Variants in PSMD1 observed in about 807,000 individuals in gnomAD.
PSMD1 encodes proteasome 26S subunit, non-ATPase 1.
A neutral mutation model predicts 119.0 loss-of-function variants in PSMD1; 18 were observed. The ratio of observed to expected loss-of-function variants is 0.15; its 90% confidence interval spans 0.10 to 0.22. The LOEUF (loss-of-function observed/expected upper bound fraction) is 0.22, where lower values mean the gene tolerates loss of function less well. PSMD1 is among the 10% of genes least tolerant of loss of function. The pLI, the probability that PSMD1 is intolerant of heterozygous loss-of-function variation, is 1.00. For synonymous variants in PSMD1, 374 were observed against 396.6 expected, an observed-to-expected ratio of 0.94 and a Z score of 0.68; for missense variants, 702 against 1,158.5, an observed-to-expected ratio of 0.61 and a Z score of 5.72.
At chr2:231,105,967 A>G (rs1289932625) in intron 16 of PSMD1, among the ~76,000 whole-genome samples, 1 of 132,972 alleles carries the variant, frequency 7.5e-6, no homozygotes, top group African/African-American at 2.7e-5. Context: ...TTTTTTTTCT[A>G]CATCTTTGTT....
intron 16 of PSMD1, among the ~76,000 whole-genome samples, chr2:231,126,214 C>A (rs1463904754): frequency 6.6e-6 from 1 of 152,050 alleles, no homozygotes; most frequent in African/African-American, 2.4e-5. Context: ...GCTTGGGCAA[C>A]ATGGCAAAAC....
At chr2:231,085,548 T>C (rs1342165335) in intron 15 of PSMD1, among the ~76,000 whole-genome samples, 1 of 152,146 alleles carries the variant, frequency 6.6e-6, no homozygotes, top group African/African-American at 2.4e-5. Flanking sequence ...CCAGCTACTC[T>C]GGAAAGTGAA....
Position 231,170,105 on chromosome 2 carries a change from G to C in PSMD1, c.2716-461G>C, listed in dbSNP as rs1696880673. Among the ~76,000 whole-genome samples, 1 of 152,190 alleles carries C rather than the reference G, an allele frequency of 6.6e-6. No individual in the cohort carries two copies. On this transcript the variant is annotated intron_variant, in intron 23 of 24. Coordinates refer to ENST00000308696, the MANE Select transcript of PSMD1 (RefSeq NM_002807.4). The surrounding 1 kb of genome is among the most constrained non-coding windows in gnomAD (Gnocchi z 4.1). Reference sequence around the variant, plus strand: ...GCTTCTCAAACTTCAGTGTGCATCAGATTGACTGGGATCTTGTTAGAATGC... The same window carrying C: ...GCTTCTCAAACTTCAGTGTGCATCACATTGACTGGGATCTTGTTAGAATGC...
At position 231,170,904 on chromosome 2, in the gene PSMD1, T is replaced by C. The variant is rs1306616279; in HGVS notation, c.*9+183T>C. Among the ~76,000 whole-genome samples, 1 of 152,216 alleles carries C rather than the reference T, an allele frequency of 6.6e-6. No individual in the cohort carries two copies. The highest frequency in any genetic ancestry group is 1.5e-5 in the Non-Finnish European group (1 of 68,042). Reference sequence around the variant, plus strand: ...ATATAACCACAAATTCCTTTTTCTTTCCTCTTTGACTCGTACTCTACTCAC... The same window carrying C: ...ATATAACCACAAATTCCTTTTTCTTCCCTCTTTGACTCGTACTCTACTCAC... On this transcript the variant is annotated intron_variant, in intron 24 of 24. Transcript: ENST00000308696. This position sits in a 1 kb window ranked among gnomAD's most constrained non-coding sequence, Gnocchi z 4.1.
intron 23 of PSMD1, among the ~76,000 whole-genome samples, chr2:231,169,398 A>G (rs1574783014): frequency 6.6e-6 from 1 of 152,314 alleles, no homozygotes; most frequent in Non-Finnish European, 1.5e-5. Context: ...CCTATGCTCC[A>G]TTCTGGGAGT....
At chr2:231,154,800 A>G (rs113480485) in intron 19 of PSMD1, among the ~76,000 whole-genome samples, 3 of 152,318 alleles carry the variant, frequency 2.0e-5, no homozygotes, top group African/African-American at 7.2e-5. Flanking sequence ...TCTTAGTATT[A>G]TATGAATTTT....
intron 17 of PSMD1, among the ~76,000 whole-genome samples, chr2:231,140,495 C>CA (rs766658246): frequency 0.073 from 3,494 of 48,020 alleles, 235 homozygotes; most frequent in African/African-American, 0.18. Flanking sequence ...GACTCCATCT[C>CA]AAAAAAAAAA....
intron 18 of PSMD1, among the ~76,000 whole-genome samples, chr2:231,150,417 T>A (rs1696350297): frequency 6.6e-6 from 1 of 151,772 alleles, no homozygotes; most frequent in South Asian, 2.1e-4. Context: ...TATATAGACA[T>A]ATATATAGAG....
At chr2:231,159,522 T>G (rs1031876887) in intron 19 of PSMD1, among the ~76,000 whole-genome samples, 2 of 152,222 alleles carry the variant, frequency 1.3e-5, no homozygotes, top group Admixed American at 6.5e-5. Context: ...CTTTAAATAG[T>G]ACATGTACTT....
chr2:231,094,158 G>A (rs762944265), intron 16 of PSMD1, among the ~76,000 whole-genome samples: 56 of 152,078 alleles, frequency 3.7e-4, no homozygotes, highest in African/African-American at 1.3e-3. Context: ...GTCCTCTAGG[G>A]TTAACACGTG....
At chr2:231,089,885 C>T (rs1266189850) in intron 16 of PSMD1, among the ~76,000 whole-genome samples, 2 of 152,154 alleles carry the variant, frequency 1.3e-5, no homozygotes, top group African/African-American at 4.8e-5. Flanking sequence ...CTTCCCCAGC[C>T]CACTGACTCC....
At chr2:231,109,056 G>C (rs200112720) in intron 16 of PSMD1, 1 of 1,614,058 alleles carries the variant, frequency 6.2e-7, no homozygotes, top group African/African-American at 1.3e-5. Flanking sequence ...GATGTTCTTC[G>C]CATAAGTGTT....
intron 6 of PSMD1, 145 bp from the exon 7 acceptor site, chr2:231,072,044 G>C: frequency 1.6e-6 from 1 of 635,626 alleles, no homozygotes; most frequent in Non-Finnish European, 2.7e-6. Flanking sequence ...GCTGGGTTTA[G>C]AAATAGAGTG....
At chr2:231,112,571 A>T (rs969376475) in intron 16 of PSMD1, among the ~76,000 whole-genome samples, 3 of 152,174 alleles carry the variant, frequency 2.0e-5, no homozygotes, top group Admixed American at 6.5e-5. Context: ...CAGATTAGGG[A>T]GGAGTAATTT....
In PSMD1 at chr2:231,138,793, T is replaced by C. The variant is rs1174580217; in HGVS notation, c.1941T>C (p.His647=). The C allele has an allele frequency of 6.2e-7, 1 of 1,614,006 alleles. No individual in the cohort carries two copies. The highest frequency in any genetic ancestry group is 1.3e-5 in the African/African-American group (1 of 74,904). Residue 647 remains histidine (H), a synonymous_variant, in exon 17 of 25, where the codon CAT becomes CAC. Transcript: ENST00000308696. ...VSLLSESYNP[H]VRYGAAMALG... ...TGTTGTCAGAGAGTTACAACCCTCA[T>C]GTGCGCTACGGAGCTGCAATGGCCT...
chr2:231,141,174 G>C (rs192256977), intron 17 of PSMD1, among the ~76,000 whole-genome samples: 13 of 152,098 alleles, frequency 8.5e-5, no homozygotes, highest in Admixed American at 4.6e-4. Context: ...TGTGGTGGCA[G>C]GTGCCTGTAA....
At chr2:231,096,950 G>A (rs567333143) in intron 16 of PSMD1, among the ~76,000 whole-genome samples, 195 of 152,332 alleles carry the variant, frequency 1.3e-3, no homozygotes, top group Non-Finnish European at 2.0e-3. Context: ...ATCGAAAAAG[G>A]TTGCTTTATG....
At chr2:231,118,656 G>T (rs916735740) in intron 16 of PSMD1, among the ~76,000 whole-genome samples, 2 of 152,118 alleles carry the variant, frequency 1.3e-5, no homozygotes, top group Non-Finnish European at 2.9e-5. Context: ...CCCGTATCTT[G>T]ATGAGGCAGA....
At position 231,169,003 on chromosome 2, in the gene PSMD1, A is replaced by G. The variant is rs947709774; in HGVS notation, c.2716-1563A>G. On this transcript the variant is annotated intron_variant, in intron 23 of 24. Transcript: ENST00000308696. The stretch of plus-strand genomic sequence containing the variant: ...TTCATTGCCTATATCTACAGTTGTA[A>G]TTAGCCTCCCCAGAGAACAGAAAAT... Among the ~76,000 whole-genome samples the G allele has an allele frequency of 5.4e-4, 83 of 152,326 alleles. 1 individual carries two copies. Among genetic ancestry groups the G allele is most frequent in the African/African-American group, 1.9e-3 (81 of 41,574 alleles).
Sources: allele counts gnomAD v4.1 joint callset (sites outside exome capture counted in the v4.1 genomes callset), GRCh38; gene constraint gnomAD v4.1.1; non-coding constraint Gnocchi (gnomAD v3.1); transcripts MANE v1.5; gene names NCBI Gene and HGNC (gene_info 2026-07-23, HGNC 2026-07-21).